PCCA: variants seen among roughly 807,000 people sequenced by gnomAD.
PCCA encodes propionyl-CoA carboxylase alpha chain, mitochondrial.
In PCCA, 74 loss-of-function variants were observed where a neutral mutation model predicts 101.3. That is an observed-to-expected ratio of 0.73 (90% CI 0.61 to 0.89). The LOEUF (loss-of-function observed/expected upper bound fraction) is 0.89, where lower values mean the gene tolerates loss of function less well. Among genes scored for constraint, PCCA ranks in the 40% least tolerant of loss-of-function variants. PCCA has a pLI of 0.00. For missense variants in PCCA, 891 were observed against 907.0 expected (o/e 0.98, Z 0.23); for synonymous variants, 294 against 313.6 (o/e 0.94, Z 0.66).
intron 7 of PCCA, among the ~76,000 whole-genome samples, chr13:100,233,191 T>TA (rs1203375522): frequency 6.6e-6 from 1 of 152,220 alleles, no homozygotes. Context: ...TTTTGGTAGA[T>TA]ACTGACAATT....
intron 21 of PCCA, among the ~76,000 whole-genome samples, chr13:100,453,926 G>A (rs145833466): frequency 1.2e-4 from 18 of 152,232 alleles, no homozygotes; most frequent in African/African-American, 4.1e-4. Context: ...GTGCAGTGGC[G>A]CGATCTCGAT....
intron 18 of PCCA, among the ~76,000 whole-genome samples, chr13:100,366,403 T>C (rs1001277606): frequency 6.6e-6 from 1 of 152,136 alleles, no homozygotes; most frequent in African/African-American, 2.4e-5. Flanking sequence ...CACAGTCTTT[T>C]CTACTTATCC....
Position 100,330,611 on chromosome 13 carries a change from T to C in PCCA, c.1480T>C (p.Phe494Leu). 1 of 1,613,160 alleles carries C rather than the reference T, an allele frequency of 6.2e-7. No individual in the cohort carries two copies. The highest frequency in any genetic ancestry group is 8.5e-7 in the Non-Finnish European group (1 of 1,179,280). The change falls in exon 17 of 24, where the codon TTT becomes CTT. Residue 494 changes from phenylalanine to leucine, a missense_variant. By Grantham distance (22) the Phe-to-Leu change is conservative. Transcript: ENST00000376285. ...TCGAGAGGTGATAATCAACTCACGC[T>C]TTGTAAAAGGAGACATCAGCACTAA... ...LLREVIINSR[F>L]VKGDISTKFL... is the part of the protein sequence containing the mutation.
intron 10 of PCCA, among the ~76,000 whole-genome samples, chr13:100,267,208 ACTTT>A (rs985949009): frequency 1.3e-5 from 2 of 152,154 alleles, no homozygotes; most frequent in African/African-American, 4.8e-5. Context: ...GTCTACTTTT[ACTTT>A]CTTGTCAACT....
At chr13:100,419,481 A>AAG (rs1408386503) in intron 19 of PCCA, among the ~76,000 whole-genome samples, 1 of 152,092 alleles carries the variant, frequency 6.6e-6, no homozygotes, top group African/African-American at 2.4e-5. Context: ...CAAAAAAAAA[A>AAG]AAAAGAAAAG....
At chr13:100,438,662 G>C (rs2080120046) in intron 20 of PCCA, among the ~76,000 whole-genome samples, 1 of 151,612 alleles carries the variant, frequency 6.6e-6, no homozygotes, top group African/African-American at 2.4e-5. Flanking sequence ...CTCTGGGTCT[G>C]GCCAGTAACA....
intron 21 of PCCA, among the ~76,000 whole-genome samples, chr13:100,454,301 C>T (rs1045966241): frequency 1.3e-5 from 2 of 152,114 alleles, no homozygotes. Context: ...GCAGGAATGT[C>T]AGTTTCAGGT....
chr13:100,502,938 T>C (rs1176283199), intron 21 of PCCA, among the ~76,000 whole-genome samples: 1 of 152,134 alleles, frequency 6.6e-6, no homozygotes, highest in Non-Finnish European at 1.5e-5. Flanking sequence ...TGGGAAAGGT[T>C]GTGGAAGCTG....
At chr13:100,199,910 G>A (rs946508743) in intron 6 of PCCA, among the ~76,000 whole-genome samples, 2 of 152,088 alleles carry the variant, frequency 1.3e-5, no homozygotes, top group African/African-American at 2.4e-5. Context: ...TTCTTTTGAA[G>A]AAATCACTAT....
intron 18 of PCCA, among the ~76,000 whole-genome samples, chr13:100,361,069 C>T (rs146195519): frequency 1.3e-4 from 20 of 152,170 alleles, no homozygotes; most frequent in East Asian, 7.7e-4. Flanking sequence ...ATGATTCCAG[C>T]GCTAAGTGAC....
At chr13:100,128,048 A>G (rs1470056502) in intron 4 of PCCA, among the ~76,000 whole-genome samples, 1 of 151,932 alleles carries the variant, frequency 6.6e-6, no homozygotes, top group Non-Finnish European at 1.5e-5. Context: ...AATGCCTCTC[A>G]CTCATTCAGA....
intron 17 of PCCA, among the ~76,000 whole-genome samples, chr13:100,333,519 C>A (rs1204228278): frequency 6.6e-6 from 1 of 152,142 alleles, no homozygotes; most frequent in Non-Finnish European, 1.5e-5. Flanking sequence ...GAAATGATTG[C>A]TTCTAAAATT....
intron 6 of PCCA, among the ~76,000 whole-genome samples, chr13:100,203,337 C>G (rs2058653856): frequency 6.6e-6 from 1 of 151,720 alleles, no homozygotes; most frequent in Non-Finnish European, 1.5e-5. Flanking sequence ...TGTTTTTCTC[C>G]TGTGCTTTCC....
intron 7 of PCCA, among the ~76,000 whole-genome samples, chr13:100,217,714 G>A (rs913483554): frequency 6.6e-6 from 1 of 151,574 alleles, no homozygotes; most frequent in Non-Finnish European, 1.5e-5. Flanking sequence ...AATTAGTTGG[G>A]CGTGGTGGCA....
chr13:100,287,829 A>C (rs2064810097), intron 12 of PCCA, among the ~76,000 whole-genome samples: 1 of 151,776 alleles, frequency 6.6e-6, no homozygotes, highest in Non-Finnish European at 1.5e-5. Flanking sequence ...TTTTTTAATC[A>C]AGAATTTATT....
intron 21 of PCCA, among the ~76,000 whole-genome samples, chr13:100,497,231 A>C (rs951285381): frequency 9.2e-5 from 14 of 152,246 alleles, no homozygotes; most frequent in Non-Finnish European, 1.6e-4. Context: ...TCTCTTAGAA[A>C]ATAAAAATCA....
chr13:100,157,261 A>T, intron 5 of PCCA, 26 bp from the exon 6 acceptor site: 1 of 1,560,202 alleles, frequency 6.4e-7, no homozygotes, highest in Non-Finnish European at 8.8e-7. Context: ...ATAAAATTGA[A>T]AGTGCTTTTT....
At chr13:100,286,391 A>T (rs1454566414) in intron 12 of PCCA, among the ~76,000 whole-genome samples, 1 of 152,134 alleles carries the variant, frequency 6.6e-6, no homozygotes, top group East Asian at 1.9e-4. Context: ...CGCAGAGGCT[A>T]AACTAAATCC....
At chr13:100,217,521 A>T (rs2059586059) in intron 7 of PCCA, among the ~76,000 whole-genome samples, 1 of 151,958 alleles carries the variant, frequency 6.6e-6, no homozygotes, top group Non-Finnish European at 1.5e-5. Flanking sequence ...TTAACATTGG[A>T]CTCAACCAAG....
Sources: gnomAD v4.1 joint callset for allele counts (sites outside exome capture counted in the v4.1 genomes callset) on GRCh38, gnomAD v4.1.1 for gene constraint, MANE v1.5 for transcripts, NCBI Gene and HGNC (gene_info 2026-07-23, HGNC 2026-07-21) for gene names.